HECTD4: variants seen among roughly 807,000 people sequenced by gnomAD.
The protein encoded by HECTD4 is probable E3 ubiquitin-protein ligase HECTD4.
A neutral mutation model predicts 471.5 loss-of-function variants in HECTD4; 114 were observed. The observed-to-expected ratio is 0.24, with a 90% confidence interval of 0.21 to 0.28. HECTD4 has a LOEUF of 0.28. Among genes scored for constraint, HECTD4 ranks in the 10% least tolerant of loss-of-function variants. The pLI, the probability that HECTD4 is intolerant of heterozygous loss-of-function variation, is 1.00. For synonymous variants in HECTD4, 2,012 were observed against 2,256.0 expected (o/e 0.89, Z 3.07); for missense variants, 3,866 against 5,651.5 (o/e 0.68, Z 10.13).
In HECTD4 at chr12:112,259,129, C is replaced by T. The variant is rs1158916779; in HGVS notation, c.3010G>A (p.Val1004Ile). ...GATCATACCTGGCTGGTATAGAGTA[C>T]CAGCTGCACTAGCTGAGGCATCAGG... ...DALMPQLVQLVLYTSQTALLL... is the reference protein window; with the variant it reads ...DALMPQLVQLILYTSQTALLL... Residue 1004 changes from valine to isoleucine, a missense_variant, in exon 19 of 76, where the codon GTA becomes ATA. Physicochemically the swap from Val to Ile is conservative, Grantham distance 29. Transcript: ENST00000682272. 1 of 1,613,010 alleles carries T rather than the reference C, an allele frequency of 6.2e-7. No homozygotes were observed. The highest frequency in any genetic ancestry group is 1.3e-5 in the African/African-American group (1 of 74,994).
intron 53 of HECTD4, 113 bp downstream of exon 53, chr12:112,204,373 G>A (rs771319278): frequency 2.7e-5 from 28 of 1,039,560 alleles, no homozygotes; most frequent in Middle Eastern, 3.2e-4. Context: ...TAGCCCAGTC[G>A]GAGTAAGGAG....
chr12:112,268,739 A>G (rs2034338624), intron 13 of HECTD4, among the ~76,000 whole-genome samples: 1 of 151,380 alleles, frequency 6.6e-6, no homozygotes, highest in Admixed American at 6.6e-5. Context: ...CTGGGCAACA[A>G]GAGTGAAACT....
chr12:112,299,901 A>C (rs1174049251), intron 7 of HECTD4, among the ~76,000 whole-genome samples: 2 of 152,186 alleles, frequency 1.3e-5, no homozygotes, highest in Admixed American at 6.5e-5. Context: ...TGATTACATA[A>C]CTATACGTCT....
chr12:112,290,115 G>GT lies in HECTD4; in HGVS notation c.1336-6814dup, dbSNP rs2034844153. Among the ~76,000 whole-genome samples, 5 of 152,182 alleles carry GT rather than the reference G, an allele frequency of 3.3e-5. No individual in the cohort carries two copies. In the South Asian group the frequency reaches 1.0e-3, roughly 32 times the overall value. On this transcript the variant is annotated intron_variant, in intron 7 of 75. Coordinates refer to ENST00000682272, the MANE Select transcript of HECTD4 (RefSeq NM_001388303.1). ...GCTGGTAGATTGCTTGAGCTCAGGA[G>GT]TTTGAGACCAACCTGGGCAACATGG...
At chr12:112,175,652 G>T in intron 66 of HECTD4, 84 bp downstream of exon 66, 1 of 1,466,592 alleles carries the variant, frequency 6.8e-7, no homozygotes, top group South Asian at 1.2e-5. Context: ...CAGGGGAGAC[G>T]GATCAGCTCC....
intron 60 of HECTD4, among the ~76,000 whole-genome samples, chr12:112,189,705 T>TA (rs2032012908): frequency 3.9e-5 from 6 of 152,104 alleles, no homozygotes; most frequent in Admixed American, 2.6e-4. Context: ...TTCCCTCATT[T>TA]AGCTGATCTG....
In HECTD4 at chr12:112,244,802, G is replaced by A. The variant is rs145708517; in HGVS notation, c.4514-793C>T. The stretch of plus-strand genomic sequence containing the variant: ...CCTCTGCTTTGATCATAGTTGGTAG[G>A]AATAAATATTACACTTGAGTTGGAA... On this transcript the variant is annotated intron_variant, in intron 29 of 75. Transcript: ENST00000682272. Among the ~76,000 whole-genome samples, 705 of 152,204 alleles carry A rather than the reference G, an allele frequency of 4.6e-3. 7 individuals are homozygous for A. Among genetic ancestry groups the A allele is most frequent in the African/African-American group, 0.016 (674 of 41,534 alleles).
chr12:112,300,607 T>C (rs572968555), intron 7 of HECTD4, among the ~76,000 whole-genome samples: 10 of 152,316 alleles, frequency 6.6e-5, no homozygotes, highest in South Asian at 6.2e-4. Context: ...TTGTTTCTTT[T>C]TTCTTTCCGA....
chr12:112,358,156 A>G (rs1336386425), intron 1 of HECTD4, among the ~76,000 whole-genome samples: 4 of 152,232 alleles, frequency 2.6e-5, no homozygotes, highest in Non-Finnish European at 4.4e-5. Context: ...ATGAGCCAAC[A>G]TCACGCCACT....
chr12:112,263,707 T>TACATA, intron 17 of HECTD4, among the ~76,000 whole-genome samples: 1 of 137,908 alleles, frequency 7.3e-6, no homozygotes, highest in East Asian at 2.5e-4. Context: ...CCCAAGATTT[T>TACATA]TATATATATA....
At chr12:112,363,688 A>T (rs558884097) in intron 1 of HECTD4, among the ~76,000 whole-genome samples, 144 of 152,172 alleles carry the variant, frequency 9.5e-4, no homozygotes, top group African/African-American at 3.3e-3. Flanking sequence ...ACAAAAATCA[A>T]AGGTCAGGCC....
At chr12:112,262,908 C>T (rs1393625203) in intron 17 of HECTD4, among the ~76,000 whole-genome samples, 1 of 152,136 alleles carries the variant, frequency 6.6e-6, no homozygotes, top group Non-Finnish European at 1.5e-5. Flanking sequence ...TCAGCCACCA[C>T]ACCCAGCTGT....
At chr12:112,195,135 G>A (rs531839900) in intron 55 of HECTD4, 69 bp from the exon 56 acceptor site, 53 of 1,389,268 alleles carry the variant, frequency 3.8e-5, no homozygotes, top group Middle Eastern at 5.0e-4. Context: ...GGACCAGGCC[G>A]CAGGTTCTGA....
At chr12:112,254,403 A>G (rs1460009302) in intron 21 of HECTD4, among the ~76,000 whole-genome samples, 1 of 152,188 alleles carries the variant, frequency 6.6e-6, no homozygotes, top group African/African-American at 2.4e-5. Context: ...AAAGAAGTAT[A>G]CTTTTTATAT....
intron 1 of HECTD4, among the ~76,000 whole-genome samples, chr12:112,332,577 T>C (rs77228142): frequency 0.013 from 1,914 of 150,656 alleles, 50 homozygotes; most frequent in African/African-American, 0.045. Context: ...CTGGAATCCA[T>C]TTCTAAAGAT....
In HECTD4 at chr12:112,173,034, C is replaced by T. The variant is rs1237053723; in HGVS notation, c.11595-173G>A. 3.3e-5 allele frequency among the ~76,000 whole-genome samples: 5 copies of T among 152,182 alleles called. No homozygotes were observed. Among genetic ancestry groups the T allele is most frequent in the African/African-American group, 1.2e-4 (5 of 41,454 alleles). Reference sequence around the variant, plus strand: ...CAGCTCCTCATGGGGAAAGCTCTTTCAAAAGAAGCAAGCCAAGCATGCCGG... The same window carrying T: ...CAGCTCCTCATGGGGAAAGCTCTTTTAAAAGAAGCAAGCCAAGCATGCCGG... On this transcript the variant is annotated intron_variant, in intron 66 of 75. Coordinates refer to ENST00000682272, the MANE Select transcript of HECTD4 (RefSeq NM_001388303.1). This position sits in a 1 kb window ranked among gnomAD's most constrained non-coding sequence, Gnocchi z 4.3.
In HECTD4 at chr12:112,179,424, A is replaced by G; in HGVS notation, c.10988-27T>C. ...TGTTGGATGGAGAGGGGGCAAAACA[A>G]TTCTGCCGTGAACATGCATCGGGAC... On this transcript the variant is annotated intron_variant, in intron 62 of 75. Coordinates refer to ENST00000682272, the MANE Select transcript of HECTD4 (RefSeq NM_001388303.1). The surrounding 1 kb of genome is among the most constrained non-coding windows in gnomAD (Gnocchi z 4.3). The G allele has an allele frequency of 6.3e-7, 1 of 1,575,874 alleles. No individual in the cohort carries two copies. The highest frequency in any genetic ancestry group is 8.7e-7 in the Non-Finnish European group (1 of 1,153,218).
chr12:112,220,608 C>A (rs2033060499), intron 44 of HECTD4, among the ~76,000 whole-genome samples: 1 of 151,120 alleles, frequency 6.6e-6, no homozygotes, highest in Admixed American at 6.6e-5. Flanking sequence ...ACCAGCCTGG[C>A]CAACACAGCA....
chr12:112,172,664 C>T lies in HECTD4; in HGVS notation c.11785+7G>A. ...GCAGGGGAGGGGATAGGCCCAGGGC[C>T]ACATACTCAGGAGACAGGCCACTCT... On this transcript the variant is annotated splice_region_variant and intron_variant, in intron 67 of 75. Transcript: ENST00000682272. The T allele has an allele frequency of 6.2e-7, 1 of 1,613,528 alleles. No individual in the cohort carries two copies. Among genetic ancestry groups the T allele is most frequent in the Non-Finnish European group, 8.5e-7 (1 of 1,179,666 alleles).
Sources: gnomAD v4.1 joint callset for allele counts (sites outside exome capture counted in the v4.1 genomes callset) on GRCh38, gnomAD v4.1.1 for gene constraint, Gnocchi (gnomAD v3.1) non-coding constraint, MANE v1.5 for transcripts, NCBI Gene and HGNC (gene_info 2026-07-23, HGNC 2026-07-21) for gene names.